Variants in RGS21 observed in about 807,000 individuals in gnomAD.
The protein encoded by RGS21 is regulator of G-protein signalling 21.
Under a neutral mutation model 18.7 loss-of-function variants are expected in RGS21, and 19 were observed. The ratio of observed to expected loss-of-function variants is 1.01; its 90% CI spans 0.71 to 1.49. RGS21 has a LOEUF of 1.49. Ranked by LOEUF, RGS21 falls within the 40% of genes most tolerant of loss-of-function variation. The pLI is 0.00. For synonymous variants in RGS21, 56 were observed against 57.8 expected, an observed-to-expected ratio of 0.97 and a Z score of 0.14; for missense variants, 194 against 176.8, an observed-to-expected ratio of 1.10 and a Z score of -0.55.
Position 192,365,947 on chromosome 1 carries a change from C to A in RGS21, c.282C>A (p.Asp94Glu), listed in dbSNP as rs748082665. The stretch of plus-strand genomic sequence containing the variant: ...TTAACATTGACTTCGGTACCAGAGA[C>A]CTCATCTCAAAGAATATTGCTGAAC... ...KEINIDFGTR[D>E]LISKNIAEPT... Residue 94 changes from aspartate to glutamate, a missense_variant, in exon 5 of 5, where the codon GAC (aspartate) becomes GAA (glutamate). By Grantham distance (45) the Asp-to-Glu change is conservative. Transcript: ENST00000417209. 4 of 1,607,238 alleles carry A rather than the reference C, an allele frequency of 2.5e-6. No individual in the cohort carries two copies. The highest frequency in any genetic ancestry group is 2.2e-5 in the East Asian group (1 of 44,726).
At chr1:192,354,034 T>C (rs1659079974) in intron 4 of RGS21, among the ~76,000 whole-genome samples, 1 of 151,722 alleles carries the variant, frequency 6.6e-6, no homozygotes, top group South Asian at 2.1e-4. Flanking sequence ...TTGTTTCCTA[T>C]TCAAATTACT....
intron 3 of RGS21, among the ~76,000 whole-genome samples, chr1:192,351,721 CATATA>C (rs948495068): frequency 3.4e-5 from 5 of 146,472 alleles, no homozygotes; most frequent in Non-Finnish European, 6.0e-5. Context: ...ATATATAACA[CATATA>C]ATATATATGC....
chr1:192,330,787 A>T (rs528206604), intron 1 of RGS21, among the ~76,000 whole-genome samples: 2 of 152,348 alleles, frequency 1.3e-5, no homozygotes, highest in Admixed American at 1.3e-4. Flanking sequence ...ATGTGAAGTT[A>T]TGTTAATGAT....
intron 4 of RGS21, among the ~76,000 whole-genome samples, chr1:192,357,649 T>G (rs1232020140): frequency 6.6e-6 from 1 of 151,734 alleles, no homozygotes; most frequent in African/African-American, 2.4e-5. Flanking sequence ...ACTTTTAAGC[T>G]TCAAATTTCT....
intron 1 of RGS21, among the ~76,000 whole-genome samples, chr1:192,342,215 A>C (rs1396666514): frequency 6.6e-6 from 1 of 152,082 alleles, no homozygotes; most frequent in Non-Finnish European, 1.5e-5. Flanking sequence ...AACACATACC[A>C]GTTGAATTTT....
intron 2 of RGS21, among the ~76,000 whole-genome samples, chr1:192,346,641 C>G (rs1658947305): frequency 6.6e-6 from 1 of 152,024 alleles, no homozygotes; most frequent in East Asian, 1.9e-4. Flanking sequence ...ATCACATCCC[C>G]AAAAGTAACC....
intron 4 of RGS21, among the ~76,000 whole-genome samples, chr1:192,356,815 T>G (rs775044382): frequency 2.0e-5 from 3 of 151,908 alleles, no homozygotes; most frequent in Non-Finnish European, 4.4e-5. Context: ...GTAGCTTATT[T>G]CTGCCCTACT....
intron 4 of RGS21, among the ~76,000 whole-genome samples, chr1:192,359,195 T>C (rs1659149642): frequency 6.6e-6 from 1 of 152,086 alleles, no homozygotes; most frequent in African/African-American, 2.4e-5. Context: ...ATATTGAAAG[T>C]CACTGAAACC....
intron 4 of RGS21, among the ~76,000 whole-genome samples, chr1:192,361,064 C>T (rs886404881): frequency 2.0e-5 from 3 of 151,892 alleles, no homozygotes; most frequent in African/African-American, 7.3e-5. Flanking sequence ...TAAGACTCTC[C>T]CCTCCGCCAC....
chr1:192,321,633 A>G (rs760457429), intron 1 of RGS21, among the ~76,000 whole-genome samples: 10 of 151,946 alleles, frequency 6.6e-5, no homozygotes, highest in Non-Finnish European at 1.3e-4. Flanking sequence ...TGCCATTTTT[A>G]CTCTTATATT....
At chr1:192,354,999 T>G (rs1168589694) in intron 4 of RGS21, among the ~76,000 whole-genome samples, 1 of 151,710 alleles carries the variant, frequency 6.6e-6, no homozygotes, top group African/African-American at 2.4e-5. Flanking sequence ...CTTTCAGGTC[T>G]CTATGAGAGA....
At chr1:192,319,725 G>C (rs939595443) in intron 1 of RGS21, among the ~76,000 whole-genome samples, 1 of 152,074 alleles carries the variant, frequency 6.6e-6, no homozygotes, top group African/African-American at 2.4e-5. Flanking sequence ...AGGCACCTAA[G>C]TGGATAAAAT....
At chr1:192,357,561 T>A (rs1197956792) in intron 4 of RGS21, among the ~76,000 whole-genome samples, 1 of 151,850 alleles carries the variant, frequency 6.6e-6, no homozygotes, top group Non-Finnish European at 1.5e-5. Flanking sequence ...CATTTTAAGG[T>A]GAAAAACTGA....
chr1:192,342,832 A>T (rs1344750923), intron 1 of RGS21, 145 bp from the exon 2 acceptor site: 3 of 519,026 alleles, frequency 5.8e-6, no homozygotes, highest in Non-Finnish European at 1.1e-5. Context: ...TATTACTTAG[A>T]AGTTTAAGTG....
chr1:192,347,428 T>A, intron 3 of RGS21, 39 bp downstream of exon 3: 1 of 928,222 alleles, frequency 1.1e-6, no homozygotes, highest in Non-Finnish European at 1.7e-6. Context: ...ATACAATAAT[T>A]AAATATAAAT....
intron 3 of RGS21, among the ~76,000 whole-genome samples, chr1:192,349,514 T>C (rs1440330724): frequency 6.6e-6 from 1 of 152,158 alleles, no homozygotes; most frequent in Non-Finnish European, 1.5e-5. Flanking sequence ...ACGCCCTTTG[T>C]TGATGCTAAC....
At chr1:192,363,483 CACA>C (rs1659214696) in intron 4 of RGS21, among the ~76,000 whole-genome samples, 1 of 152,050 alleles carries the variant, frequency 6.6e-6, no homozygotes, top group African/African-American at 2.4e-5. Context: ...CTCATATTCC[CACA>C]ACACCAGATA....
intron 1 of RGS21, among the ~76,000 whole-genome samples, chr1:192,322,194 G>C (rs1037938522): frequency 1.3e-5 from 2 of 151,480 alleles, no homozygotes; most frequent in East Asian, 1.9e-4. Flanking sequence ...AACCTGAGAA[G>C]ATTCATTTGA....
rs143177502 is a variant in RGS21 at position 192,353,499 on chromosome 1, A to T, written c.255+1286A>T. Among the ~76,000 whole-genome samples, 208 of 151,874 alleles carry T rather than the reference A, an allele frequency of 1.4e-3. 3 individuals are homozygous for T. The highest frequency in any genetic ancestry group is 4.7e-3 in the African/African-American group (195 of 41,480). ...TTTTGCTTTGAAATTAACCCTAAAG[A>T]TATCCTACTTAATGTTATATTGGTC... On this transcript the variant is annotated intron_variant, in intron 4 of 4. Transcript: ENST00000417209.
Sources: gnomAD v4.1 joint callset for allele counts (sites outside exome capture counted in the v4.1 genomes callset) on GRCh38, gnomAD v4.1.1 for gene constraint, MANE v1.5 for transcripts, NCBI Gene and HGNC (gene_info 2026-07-23, HGNC 2026-07-21) for gene names.